The following SAMMSON variants were observed in gnomAD, a reference collection of about 807,000 sequenced individuals.
SAMMSON encodes long intergenic non-protein coding RNA 1212.
chr3:70,163,575 G>T (rs1394489067), intron 4 of SAMMSON, among the ~76,000 whole-genome samples: 1 of 151,850 alleles, frequency 6.6e-6, no homozygotes, highest in East Asian at 1.9e-4. Flanking sequence ...ATGCCAGGTT[G>T]GGGTTTTAAC....
chr3:70,152,721 G>T (rs1407547505), intron 4 of SAMMSON, among the ~76,000 whole-genome samples: 1 of 152,000 alleles, frequency 6.6e-6, no homozygotes, highest in Admixed American at 6.6e-5. Context: ...TCAGTGACTT[G>T]CTTCAACACA....
At chr3:70,316,271 C>T (rs986618411) in intron 7 of SAMMSON, among the ~76,000 whole-genome samples, 12 of 152,216 alleles carry the variant, frequency 7.9e-5, no homozygotes, top group African/African-American at 2.2e-4. Context: ...GTTGCTATCA[C>T]GAGTCCTTTT....
intron 9 of SAMMSON, among the ~76,000 whole-genome samples, chr3:70,362,438 G>A (rs1702879851): frequency 6.6e-6 from 1 of 152,100 alleles, no homozygotes; most frequent in Non-Finnish European, 1.5e-5. Context: ...TGTTCTGCAT[G>A]TATAGAAAGT....
intron 7 of SAMMSON, among the ~76,000 whole-genome samples, chr3:70,348,163 T>C (rs1702766307): frequency 6.6e-6 from 1 of 152,138 alleles, no homozygotes; most frequent in Non-Finnish European, 1.5e-5. Context: ...AGGGAGGTTG[T>C]GATTTTAAAC....
At chr3:70,290,921 C>T (rs116090493) in intron 6 of SAMMSON, among the ~76,000 whole-genome samples, 19,990 of 152,100 alleles carry the variant, frequency 0.13, 1,405 homozygotes, top group South Asian at 0.21. Context: ...CTTCGGATGG[C>T]GCACGGTGCG....
At chr3:70,026,310 T>C (rs939832994) in intron 3 of SAMMSON, among the ~76,000 whole-genome samples, 1 of 152,202 alleles carries the variant, frequency 6.6e-6, no homozygotes, top group African/African-American at 2.4e-5. Context: ...GCCGATTGAA[T>C]ATAAGACAGT....
chr3:70,191,325 T>C (rs1701130293), intron 4 of SAMMSON, among the ~76,000 whole-genome samples: 1 of 152,240 alleles, frequency 6.6e-6, no homozygotes, highest in Non-Finnish European at 1.5e-5. Flanking sequence ...AGCATCAGAA[T>C]GCATTTTTTG....
intron 7 of SAMMSON, among the ~76,000 whole-genome samples, chr3:70,308,974 G>A (rs1242351432): frequency 6.6e-6 from 1 of 152,190 alleles, no homozygotes; most frequent in Non-Finnish European, 1.5e-5. Flanking sequence ...GTTCCAGAGG[G>A]AGGCAGCAGA....
In SAMMSON at chr3:70,141,809, AG is replaced by A. The variant is rs2067528865; in HGVS notation, n.507+70245del. ...AGTGACCTCCCTGAAGACAATACAC[AG>A]CTAAAAGAATAGAGCCAGGACACAG... is the stretch of plus-strand genomic sequence containing the variant. On this transcript the variant is annotated intron_variant and non_coding_transcript_variant, in intron 4 of 9. Transcript: ENST00000642114. Among the ~76,000 whole-genome samples, 3 of 152,168 alleles carry A rather than the reference AG, an allele frequency of 2.0e-5. No individual in the cohort carries two copies. The South Asian group carries it at 6.2e-4, about 32-fold the overall frequency.
At position 70,365,965 on chromosome 3, in the gene SAMMSON, C is replaced by CTTT. The variant is rs1702916898; in HGVS notation, n.913+7643_913+7645dup. Among the ~76,000 whole-genome samples the CTTT allele has an allele frequency of 3.7e-5, 2 of 54,274 alleles. 1 individual carries two copies. The highest frequency in any genetic ancestry group is 4.0e-4 in the Admixed American group (2 of 4,940). 35.6% of individuals were successfully genotyped at this position (54,274 alleles called of 152,430 possible). ...AGCTTAAAAATTGTTTGTGCTTTAC[C>CTTT]TTTTCTTTTTTTTTTTTTTTTTTTT... is the stretch of plus-strand genomic sequence containing the variant. On this transcript the variant is annotated intron_variant and non_coding_transcript_variant, in intron 9 of 9. Coordinates refer to ENST00000642114, the Ensembl canonical transcript of SAMMSON.
At chr3:70,010,994 A>T (rs747131348) in intron 1 of SAMMSON, among the ~76,000 whole-genome samples, 1 of 152,100 alleles carries the variant, frequency 6.6e-6, no homozygotes, top group Non-Finnish European at 1.5e-5. Flanking sequence ...CCTGGTTCCA[A>T]CCTTGACTCA....
chr3:70,233,137 C>G (rs1178996161), intron 4 of SAMMSON, among the ~76,000 whole-genome samples: 1 of 152,186 alleles, frequency 6.6e-6, no homozygotes, highest in Non-Finnish European at 1.5e-5. Flanking sequence ...TGCAGTGAGC[C>G]AAGATCGCGC....
At chr3:70,105,349 A>G (rs1014351136) in intron 4 of SAMMSON, among the ~76,000 whole-genome samples, 5 of 152,220 alleles carry the variant, frequency 3.3e-5, no homozygotes, top group African/African-American at 1.2e-4. Flanking sequence ...TGATTCAGAA[A>G]TAATGAGTGG....
At chr3:70,410,331 T>G (rs1701208195) in intron 2 of SAMMSON, among the ~76,000 whole-genome samples, 2 of 152,214 alleles carry the variant, frequency 1.3e-5, no homozygotes, top group Admixed American at 6.5e-5. Context: ...TTCTGGTGCC[T>G]TGACTGTCAG....
chr3:70,407,073 T>C (rs1479129790), intron 2 of SAMMSON, among the ~76,000 whole-genome samples: 1 of 152,192 alleles, frequency 6.6e-6, no homozygotes, highest in Non-Finnish European at 1.5e-5. Context: ...AAAACCCTGA[T>C]ATAACCATCA....
At chr3:70,128,015 C>G (rs1041807507) in intron 4 of SAMMSON, among the ~76,000 whole-genome samples, 1 of 152,166 alleles carries the variant, frequency 6.6e-6, no homozygotes, top group Non-Finnish European at 1.5e-5. Flanking sequence ...GGATAACGTT[C>G]CTGGGTCAGG....
intron 3 of SAMMSON, among the ~76,000 whole-genome samples, chr3:70,019,466 C>T (rs985443635): frequency 6.6e-6 from 1 of 152,106 alleles, no homozygotes; most frequent in African/African-American, 2.4e-5. Flanking sequence ...TATTTTGAGC[C>T]TATGTGTGTC....
intron 4 of SAMMSON, among the ~76,000 whole-genome samples, chr3:70,173,362 T>C (rs1700978143): frequency 6.6e-6 from 1 of 151,994 alleles, no homozygotes; most frequent in Non-Finnish European, 1.5e-5. Flanking sequence ...ATGACTACTA[T>C]TTGCTGTGGC....
At chr3:70,037,169 T>G (rs2067088409) in intron 3 of SAMMSON, among the ~76,000 whole-genome samples, 1 of 152,046 alleles carries the variant, frequency 6.6e-6, no homozygotes, top group South Asian at 2.1e-4. Context: ...TTGTTTTTTT[T>G]TTTCCACCCC....
Sources: allele counts gnomAD v4.1 joint callset (sites outside exome capture counted in the v4.1 genomes callset), GRCh38; gene constraint gnomAD v4.1.1; transcripts MANE v1.5; gene names NCBI Gene and HGNC (gene_info 2026-07-23, HGNC 2026-07-21).